Variants in NTM observed in about 807,000 individuals in gnomAD.
NTM encodes the protein neurotrimin.
In NTM, 13 loss-of-function variants were observed where a neutral mutation model predicts 42.1. The ratio of observed to expected loss-of-function variants is 0.31; its 90% confidence interval spans 0.20 to 0.49. The LOEUF is 0.49. Among genes scored for constraint, NTM ranks in the 20% least tolerant of loss-of-function variants. The pLI is 0.99. For synonymous variants in NTM, 187 were observed against 179.2 expected, an observed-to-expected ratio of 1.04 and a Z score of -0.35; for missense variants, 373 against 452.8, an observed-to-expected ratio of 0.82 and a Z score of 1.60.
At chr11:131,638,099 G>C (rs1377915591) in intron 1 of NTM, among the ~76,000 whole-genome samples, 2 of 152,202 alleles carry the variant, frequency 1.3e-5, no homozygotes, top group East Asian at 3.9e-4. Context: ...ACAAATCCCA[G>C]TTCTTCTGCA....
intron 1 of NTM, among the ~76,000 whole-genome samples, chr11:131,669,329 A>T (rs981399842): frequency 3.9e-5 from 6 of 152,246 alleles, no homozygotes; most frequent in African/African-American, 1.4e-4. Flanking sequence ...CTGGCTCGCC[A>T]TGATTGGAAA....
chr11:132,244,780 G>C (rs1006791801), intron 4 of NTM, among the ~76,000 whole-genome samples: 16 of 152,190 alleles, frequency 1.1e-4, no homozygotes, highest in Non-Finnish European at 1.6e-4. Flanking sequence ...AGCCAGTGTG[G>C]TGGGCCGAGA....
At chr11:131,969,676 CTTA>C (rs2063284671) in intron 2 of NTM, among the ~76,000 whole-genome samples, 1 of 152,186 alleles carries the variant, frequency 6.6e-6, no homozygotes, top group Non-Finnish European at 1.5e-5. Flanking sequence ...TTGAAGTTCT[CTTA>C]TTATGTCTAA....
At chr11:131,913,252 T>C (rs1402829751) in intron 2 of NTM, among the ~76,000 whole-genome samples, 1 of 152,234 alleles carries the variant, frequency 6.6e-6, no homozygotes, top group Non-Finnish European at 1.5e-5. Flanking sequence ...ATGCCCTCTT[T>C]GTCCCTAGTC....
chr11:131,507,087 A>G (rs2047578222), intron 1 of NTM, among the ~76,000 whole-genome samples: 1 of 152,196 alleles, frequency 6.6e-6, no homozygotes, highest in African/African-American at 2.4e-5. Context: ...TTTGATCACT[A>G]GAATAAATCA....
intron 1 of NTM, among the ~76,000 whole-genome samples, chr11:131,753,272 A>G (rs1256335128): frequency 1.3e-5 from 2 of 152,106 alleles, no homozygotes; most frequent in African/African-American, 2.4e-5. Context: ...GAGAAATAGG[A>G]ACACTTTTAC....
At chr11:131,451,264 A>G (rs1194522411) in intron 1 of NTM, among the ~76,000 whole-genome samples, 1 of 152,214 alleles carries the variant, frequency 6.6e-6, no homozygotes, top group African/African-American at 2.4e-5. Context: ...TAGATTTTCG[A>G]GCTTAGCCAG....
chr11:131,908,224 C>G (rs1375057851), intron 1 of NTM, among the ~76,000 whole-genome samples: 2 of 152,194 alleles, frequency 1.3e-5, no homozygotes, highest in African/African-American at 4.8e-5. Flanking sequence ...AACCAAACAT[C>G]TCAAAGAGCC....
intron 1 of NTM, among the ~76,000 whole-genome samples, chr11:131,800,940 C>T (rs1214189116): frequency 6.6e-6 from 1 of 152,116 alleles, no homozygotes; most frequent in Non-Finnish European, 1.5e-5. Context: ...AATAGTAGGA[C>T]GTGGCCCGTG....
chr11:132,289,821 C>T lies in NTM; in HGVS notation c.527-17868C>T, dbSNP rs949943676. ...ACTGAGGTTTACCTCAGGGCAGGGT[C>T]GAGGGAAGGAAAGAAAGTGGACTTC... On this transcript the variant is annotated intron_variant, in intron 4 of 8. Transcript: ENST00000683400. Among the ~76,000 whole-genome samples, 49 of 152,254 alleles carry T rather than the reference C, an allele frequency of 3.2e-4. 1 individual carries two copies. Among genetic ancestry groups the T allele is most frequent in the African/African-American group, 1.2e-3 (48 of 41,530 alleles).
chr11:131,864,461 C>T (rs1208836174), intron 1 of NTM, among the ~76,000 whole-genome samples: 3 of 152,190 alleles, frequency 2.0e-5, no homozygotes, highest in Non-Finnish European at 4.4e-5. Flanking sequence ...TTAAACCTGA[C>T]TCTCAGGCTC....
rs2067949723 is a variant in NTM, at chr11:131,660,896, A to G, written c.83-250668A>G. The G allele has an allele frequency of 7.0e-6, 9 of 1,286,554 alleles. No individual in the cohort carries two copies. In the South Asian group the frequency reaches 1.2e-4, roughly 17 times the overall value. 79.7% of individuals were successfully genotyped at this position (1,286,554 alleles called of 1,614,324 possible). A position where few individuals can be genotyped will look rare whatever the true frequency, so the allele number is the denominator to read the frequency against. On this transcript the variant is annotated intron_variant, in intron 1 of 8. Transcript: ENST00000683400. ...TTTCAAAGAACTTGTGTGTAATGTGATGCATGGCTTTCTCTTCTGTCTCTT... is the reference window on the plus strand; with the variant it reads ...TTTCAAAGAACTTGTGTGTAATGTGGTGCATGGCTTTCTCTTCTGTCTCTT...
chr11:132,045,364 G>C (rs1333848156), intron 2 of NTM, among the ~76,000 whole-genome samples: 2 of 152,172 alleles, frequency 1.3e-5, no homozygotes, highest in Non-Finnish European at 2.9e-5. Flanking sequence ...TGGGAGTAAA[G>C]GAGCCTGCCC....
intron 1 of NTM, chr11:131,660,947 T>C: frequency 7.7e-7 from 1 of 1,303,916 alleles, no homozygotes; most frequent in Non-Finnish European, 1.0e-6. Context: ...CATTTCATTC[T>C]GCTCATCCCC....
chr11:132,007,739 G>A (rs1323988610), intron 2 of NTM, among the ~76,000 whole-genome samples: 2 of 152,124 alleles, frequency 1.3e-5, no homozygotes, highest in Non-Finnish European at 2.9e-5. Flanking sequence ...TGAGTTTGGG[G>A]CACATCATAA....
At chr11:131,909,890 C>T (rs2054438128) in intron 1 of NTM, 1 of 152,164 alleles carries the variant, frequency 6.6e-6, no homozygotes, top group South Asian at 2.1e-4. Flanking sequence ...TGGGAGTCTG[C>T]TGTATAAATA....
chr11:132,091,159 G>A (rs761839155), intron 2 of NTM, among the ~76,000 whole-genome samples: 1 of 152,144 alleles, frequency 6.6e-6, no homozygotes, highest in Non-Finnish European at 1.5e-5. Flanking sequence ...GGAGGTTGAA[G>A]TAGGAAGATT....
chr11:132,180,047 A>T (rs577057417), intron 3 of NTM, among the ~76,000 whole-genome samples: 1 of 152,148 alleles, frequency 6.6e-6, no homozygotes, highest in Non-Finnish European at 1.5e-5. Context: ...CGTTTCTTAA[A>T]TCTCTTTAAA....
intron 1 of NTM, among the ~76,000 whole-genome samples, chr11:131,380,353 A>C (rs1336032806): frequency 6.6e-6 from 1 of 151,852 alleles, no homozygotes; most frequent in South Asian, 2.1e-4. Context: ...GATTACAGGC[A>C]TGTGCCACCA....
Sources: gnomAD v4.1 joint callset for allele counts (sites outside exome capture counted in the v4.1 genomes callset) on GRCh38, gnomAD v4.1.1 for gene constraint, MANE v1.5 for transcripts, NCBI Gene and HGNC (gene_info 2026-07-23, HGNC 2026-07-21) for gene names.